PPP1R9A: variants seen among roughly 807,000 people sequenced by gnomAD.
The protein encoded by PPP1R9A is protein phosphatase 1 regulatory subunit 9A, also known as neurabin-1.
PPP1R9A carries 59 observed loss-of-function variants against 141.9 expected under a neutral mutation model. The ratio of observed to expected loss-of-function variants is 0.42; its 90% confidence interval spans 0.34 to 0.52. The LOEUF is 0.52. Ranked by LOEUF, PPP1R9A falls within the 20% of genes least tolerant of loss-of-function variation. PPP1R9A has a pLI of 0.10. For missense variants in PPP1R9A, 1,444 were observed against 1,611.9 expected, an observed-to-expected ratio of 0.90 and a Z score of 1.78; for synonymous variants, 500 against 569.7, an observed-to-expected ratio of 0.88 and a Z score of 1.74.
intron 7 of PPP1R9A, among the ~76,000 whole-genome samples, chr7:95,216,950 A>G (rs995272022): frequency 6.6e-6 from 1 of 152,040 alleles, no homozygotes; most frequent in South Asian, 2.1e-4. Context: ...CTCATTGAAT[A>G]CCCTTTATTT....
chr7:95,175,757 C>T (rs563654726), intron 5 of PPP1R9A, among the ~76,000 whole-genome samples: 1 of 152,120 alleles, frequency 6.6e-6, no homozygotes, highest in Non-Finnish European at 1.5e-5. Flanking sequence ...TGATCAATAA[C>T]TATGCATTCA....
intron 2 of PPP1R9A, among the ~76,000 whole-genome samples, chr7:95,015,407 T>A (rs1804971459): frequency 1.3e-5 from 2 of 152,134 alleles, no homozygotes; most frequent in African/African-American, 4.8e-5. Context: ...TGCTTTCATT[T>A]GTAAGGATTA....
chr7:94,973,053 T>C (rs545822427), intron 2 of PPP1R9A, among the ~76,000 whole-genome samples: 1 of 151,672 alleles, frequency 6.6e-6, no homozygotes, highest in East Asian at 1.9e-4. Context: ...AATTACTTCG[T>C]ACTTTTCCAG....
chr7:95,244,455 G>A, intron 8 of PPP1R9A, among the ~76,000 whole-genome samples: 1 of 152,092 alleles, frequency 6.6e-6, no homozygotes, highest in East Asian at 1.9e-4. Context: ...TATGTGAAAG[G>A]GCCCTTGGAG....
rs552988911 is a variant in PPP1R9A, at chr7:94,920,150, TAA to T, written c.1395+8643_1395+8644del. Reference sequence around the variant, plus strand: ...AGAAACCTTAAAATGAGTAAAATATTAAGTCCATGGGAGCACAATTTTATAGA... The same window carrying T: ...AGAAACCTTAAAATGAGTAAAATATTGTCCATGGGAGCACAATTTTATAGA... On this transcript the variant is annotated intron_variant, in intron 2 of 19. Coordinates refer to ENST00000433360, the MANE Select transcript of PPP1R9A (RefSeq NM_001166160.2). Among the ~76,000 whole-genome samples, 243 of 152,314 alleles carry T rather than the reference TAA, an allele frequency of 1.6e-3. 1 individual carries two copies. Among genetic ancestry groups the T allele is most frequent in the African/African-American group, 5.6e-3 (233 of 41,576 alleles).
chr7:95,173,147 T>G (rs113040185), intron 5 of PPP1R9A, among the ~76,000 whole-genome samples: 2 of 152,080 alleles, frequency 1.3e-5, no homozygotes, highest in African/African-American at 4.8e-5. Context: ...TCTGTAATTT[T>G]AGATTTAGTG....
At chr7:95,251,487 C>T (rs1027264751) in intron 10 of PPP1R9A, among the ~76,000 whole-genome samples, 5 of 152,170 alleles carry the variant, frequency 3.3e-5, no homozygotes, top group Non-Finnish European at 7.4e-5. Flanking sequence ...GTCATTAGTG[C>T]AGTCTTTCCT....
At chr7:95,153,047 A>G (rs542292258) in intron 4 of PPP1R9A, among the ~76,000 whole-genome samples, 37 of 152,044 alleles carry the variant, frequency 2.4e-4, no homozygotes, top group African/African-American at 8.9e-4. Flanking sequence ...GTAGAGTTTC[A>G]CCATATTGGC....
At chr7:95,139,295 A>G (rs1332547655) in intron 4 of PPP1R9A, among the ~76,000 whole-genome samples, 1 of 152,150 alleles carries the variant, frequency 6.6e-6, no homozygotes, top group African/African-American at 2.4e-5. Context: ...TTATAAAACC[A>G]CCTGATCTCA....
intron 2 of PPP1R9A, chr7:95,035,904 C>A (rs941751110): frequency 6.6e-6 from 1 of 152,100 alleles, no homozygotes; most frequent in African/African-American, 2.4e-5. Context: ...TGGAGACTTG[C>A]CTGAATGCTG....
intron 5 of PPP1R9A, among the ~76,000 whole-genome samples, chr7:95,165,290 G>A (rs1010089225): frequency 6.6e-6 from 1 of 152,186 alleles, no homozygotes; most frequent in Non-Finnish European, 1.5e-5. Flanking sequence ...GTTATAAAAG[G>A]CACTGTGGCT....
rs138839285 is a variant in PPP1R9A, at chr7:94,944,128, G to A, written c.1395+32620G>A. 4.0e-3 allele frequency among the ~76,000 whole-genome samples: 606 copies of A among 152,108 alleles called. 3 individuals are homozygous for A. The highest frequency in any genetic ancestry group is 0.014 in the African/African-American group (568 of 41,504). On this transcript the variant is annotated intron_variant, in intron 2 of 19. Transcript: ENST00000433360. ...TCAGGGTAACTGAGATATCCATCAC[G>A]TTATACTTTCATCTTTCCTTGTGTT...
chr7:95,105,216 A>G (rs751092319), intron 2 of PPP1R9A, among the ~76,000 whole-genome samples: 5 of 152,156 alleles, frequency 3.3e-5, no homozygotes, highest in African/African-American at 4.8e-5. Context: ...ATTGTTGAAA[A>G]TGTATTGCTG....
At chr7:94,957,910 G>T (rs1009734927) in intron 2 of PPP1R9A, among the ~76,000 whole-genome samples, 1 of 152,006 alleles carries the variant, frequency 6.6e-6, no homozygotes, top group African/African-American at 2.4e-5. Flanking sequence ...TGAGAGGCCT[G>T]CTGTCATGAT....
At chr7:94,909,121 G>A (rs1251054451) in intron 1 of PPP1R9A, among the ~76,000 whole-genome samples, 1 of 152,168 alleles carries the variant, frequency 6.6e-6, no homozygotes, top group Non-Finnish European at 1.5e-5. Context: ...TAAGTTAGAG[G>A]CAAGAAAGAA....
At chr7:95,268,804 AT>A in intron 13 of PPP1R9A, 97 bp downstream of exon 13, 1 of 1,424,008 alleles carries the variant, frequency 7.0e-7, no homozygotes, top group Non-Finnish European at 9.5e-7. Context: ...AACAGAGTCT[AT>A]GTCCTAGTTG....
intron 6 of PPP1R9A, among the ~76,000 whole-genome samples, chr7:95,201,550 G>A (rs1168007562): frequency 6.6e-6 from 1 of 151,966 alleles, no homozygotes; most frequent in African/African-American, 2.4e-5. Flanking sequence ...ATTATTAAAT[G>A]GATTGATTTG....
chr7:95,165,804 G>A (rs1393515286), intron 5 of PPP1R9A, among the ~76,000 whole-genome samples: 1 of 152,076 alleles, frequency 6.6e-6, no homozygotes, highest in Non-Finnish European at 1.5e-5. Flanking sequence ...AAAACTGATG[G>A]TCTGTGAGGA....
chr7:95,135,854 C>CTTTTTTTTTTTTT (rs58872136), intron 4 of PPP1R9A, among the ~76,000 whole-genome samples: 6 of 73,074 alleles, frequency 8.2e-5, no homozygotes, highest in African/African-American at 1.7e-4. Context: ...TTCAGCTTTA[C>CTTTTTTTTTTTTT]TTTTTTTTTT....
Sources: gnomAD v4.1 joint callset for allele counts (sites outside exome capture counted in the v4.1 genomes callset) on GRCh38, gnomAD v4.1.1 for gene constraint, MANE v1.5 for transcripts, NCBI Gene and HGNC (gene_info 2026-07-23, HGNC 2026-07-21) for gene names.